The following CYP4X1 variants were observed in gnomAD, a reference collection of about 807,000 sequenced individuals.
The protein encoded by CYP4X1 is cytochrome P450 4X1.
CYP4X1 carries 44 observed loss-of-function variants against 57.9 expected under a neutral mutation model. The observed-to-expected ratio is 0.76, with a 90% confidence interval of 0.60 to 0.98. The LOEUF (loss-of-function observed/expected upper bound fraction) is 0.98. CYP4X1 is among the 50% of genes least tolerant of loss of function. The pLI is 0.00. For missense variants in CYP4X1, 532 were observed against 623.9 expected (o/e 0.85, Z 1.57); for synonymous variants, 227 against 228.6 (o/e 0.99, Z 0.06).
chr1:47,039,191 T>C (rs1644218210), intron 7 of CYP4X1, 151 bp from the exon 8 acceptor site: 1 of 674,042 alleles, frequency 1.5e-6, no homozygotes, highest in Middle Eastern at 4.1e-4. Flanking sequence ...TTGGGCAGAA[T>C]ATGGTTTATA....
the CYP4X1 span, among the ~76,000 whole-genome samples, chr1:46,980,858 G>C: frequency 6.6e-6 from 1 of 152,096 alleles, no homozygotes; most frequent in Non-Finnish European, 1.5e-5. Flanking sequence ...TGCCAAACCT[G>C]ACAAAAGCAA....
At chr1:47,029,830 C>G (rs1187534118) in intron 1 of CYP4X1, among the ~76,000 whole-genome samples, 160 bp from the exon 2 acceptor site, 3 of 152,132 alleles carry the variant, frequency 2.0e-5, no homozygotes, top group African/African-American at 7.2e-5. Context: ...AATTATCCCC[C>G]AAGCTTAGAA....
intron 8 of CYP4X1, among the ~76,000 whole-genome samples, chr1:47,042,996 T>C (rs1334109231): frequency 1.3e-5 from 2 of 152,222 alleles, no homozygotes; most frequent in South Asian, 2.1e-4. Context: ...CTGGATCAAA[T>C]GGTAGTTCTA....
intron 2 of CYP4X1, 78 bp downstream of exon 2, chr1:47,030,209 G>C: frequency 6.6e-7 from 1 of 1,515,908 alleles, no homozygotes. Flanking sequence ...AGATTCCAAA[G>C]CAAAGATTGG....
Position 47,030,003 on chromosome 1 carries a change from A to T in CYP4X1, c.191A>T (p.Asp64Val), listed in dbSNP as rs1644108467. ...FLGHQKFIQD[D>V]NMEKLEEIIE... ...TTTTCACTGCAGTTTATTCAGGATGATAACATGGAGAAGCTTGAGGAAATT... is the reference window on the plus strand; with the variant it reads ...TTTTCACTGCAGTTTATTCAGGATGTTAACATGGAGAAGCTTGAGGAAATT... The change falls in exon 2 of 12, where the codon GAT becomes GTT. Residue 64 changes from aspartate to valine, a missense_variant. Coordinates refer to ENST00000371901, the MANE Select transcript of CYP4X1 (RefSeq NM_178033.2). The T allele has an allele frequency of 6.2e-7, 1 of 1,613,936 alleles. No homozygotes were observed. The highest frequency in any genetic ancestry group is 1.3e-5 in the African/African-American group (1 of 74,904).
the CYP4X1 span, among the ~76,000 whole-genome samples, chr1:47,012,956 T>C: frequency 1.3e-5 from 2 of 152,006 alleles, no homozygotes; most frequent in Admixed American, 6.5e-5. Flanking sequence ...CATTTAAACA[T>C]TTTTTTTCCT....
the CYP4X1 span, among the ~76,000 whole-genome samples, chr1:47,017,649 C>A: frequency 6.6e-6 from 1 of 152,168 alleles, no homozygotes; most frequent in African/African-American, 2.4e-5. Context: ...TCAATGTCGT[C>A]CCTCTGCTCA....
rs1644109520 is a variant in CYP4X1, at chr1:47,030,086, T to C, written c.274T>C (p.Cys92Arg). Residue 92 changes from cysteine to arginine, a missense_variant, in exon 2 of 12, where the codon TGT (cysteine) becomes CGT (arginine). Physicochemically the swap from Cys to Arg is radical, Grantham distance 180 (BLOSUM62 -3). Transcript: ENST00000371901. ...GATTGGGCCCTTTCAGGCATTTTTC[T>C]GTATCTATGACCCAGACTATGCAAA... Reference protein sequence around the residue: ...FWIGPFQAFFCIYDPDYAKTL... With the variant: ...FWIGPFQAFFRIYDPDYAKTL... 4 of 1,614,148 alleles carry C rather than the reference T, an allele frequency of 2.5e-6. No homozygotes were observed. In the East Asian group the frequency reaches 8.9e-5, roughly 36 times the overall value.
downstream of CYP4X1, among the ~76,000 whole-genome samples, chr1:47,052,990 C>G (rs1644368926): frequency 6.6e-6 from 1 of 151,992 alleles, no homozygotes; most frequent in South Asian, 2.1e-4. Context: ...CATATGTATA[C>G]ATGTGCCATG....
chr1:46,965,202 C>A, the CYP4X1 span, among the ~76,000 whole-genome samples: 1 of 152,362 alleles, frequency 6.6e-6, no homozygotes, highest in Admixed American at 6.5e-5. Flanking sequence ...GAGGCGATGC[C>A]TCGCCCTGAA....
chr1:46,977,728 C>T, the CYP4X1 span, among the ~76,000 whole-genome samples: 18 of 151,970 alleles, frequency 1.2e-4, no homozygotes, highest in South Asian at 2.1e-4. Context: ...CCAGAGAGAA[C>T]GGTCGGGTTA....
upstream of CYP4X1, among the ~76,000 whole-genome samples, chr1:47,022,648 C>G (rs1353467991): frequency 1.3e-5 from 2 of 151,874 alleles, no homozygotes; most frequent in Non-Finnish European, 2.9e-5. Flanking sequence ...GAGAGTGGAG[C>G]GTAGGCTTAA....
At chr1:47,051,799 T>C (rs1193684875), downstream of CYP4X1, among the ~76,000 whole-genome samples, 2 of 152,084 alleles carry the variant, frequency 1.3e-5, no homozygotes, top group Non-Finnish European at 2.9e-5. Context: ...AGTTAAACAA[T>C]ATTTCCTTGT....
chr1:47,044,953 G>A (rs1284020400), intron 8 of CYP4X1, among the ~76,000 whole-genome samples: 1 of 151,948 alleles, frequency 6.6e-6, no homozygotes, highest in Non-Finnish European at 1.5e-5. Context: ...GCCTTCCTGA[G>A]TAGCTGGGAT....
chr1:47,036,062 C>T lies in CYP4X1; in HGVS notation c.666C>T (p.Ile222=), dbSNP rs1356232607. Residue 222 remains isoleucine (I), a synonymous_variant, in exon 6 of 12, where the codon ATC becomes ATT. Coordinates refer to ENST00000371901, the MANE Select transcript of CYP4X1 (RefSeq NM_178033.2). ...AAGCCATATTTGAACTCAGCAAAAT[C>T]ATATTTCACCGCTTGTACAGTTTGT... ...YAKAIFELSK[I]IFHRLYSLLY... 6.2e-7 allele frequency: 1 copy of T among 1,613,568 alleles called. No homozygotes were observed. The highest frequency in any genetic ancestry group is 8.5e-7 in the Non-Finnish European group (1 of 1,179,718).
the CYP4X1 span, among the ~76,000 whole-genome samples, chr1:46,970,029 G>C: frequency 1.3e-5 from 2 of 152,172 alleles, no homozygotes; most frequent in Non-Finnish European, 2.9e-5. Flanking sequence ...AGTAAGACTA[G>C]CAAGGTGTCT....
At chr1:46,997,278 A>C in the CYP4X1 span, among the ~76,000 whole-genome samples, 1 of 152,218 alleles carries the variant, frequency 6.6e-6, no homozygotes, top group African/African-American at 2.4e-5. Flanking sequence ...ACATGGATAT[A>C]TTGTGTAACA....
At chr1:46,989,125 G>A in the CYP4X1 span, among the ~76,000 whole-genome samples, 1 of 152,190 alleles carries the variant, frequency 6.6e-6, no homozygotes. Context: ...GTTTGCAGAT[G>A]ACATGATTGT....
At chr1:46,994,887 CAT>C in the CYP4X1 span, among the ~76,000 whole-genome samples, 8 of 152,216 alleles carry the variant, frequency 5.3e-5, no homozygotes, top group African/African-American at 1.9e-4. Context: ...ATGTTCAAAA[CAT>C]GTGGCTGCTT....
Sources: gnomAD v4.1 joint callset for allele counts (sites outside exome capture counted in the v4.1 genomes callset) on GRCh38, gnomAD v4.1.1 for gene constraint, MANE v1.5 for transcripts, NCBI Gene and HGNC (gene_info 2026-07-23, HGNC 2026-07-21) for gene names.